Variants in AATF observed in about 807,000 individuals in gnomAD.
AATF encodes the protein protein AATF.
AATF carries 48 observed loss-of-function variants against 63.7 expected under a neutral mutation model. That is an observed-to-expected ratio of 0.75 (90% CI 0.60 to 0.96). The LOEUF is 0.96. AATF is among the 40% of genes least tolerant of loss of function. The pLI is 0.00. For missense variants in AATF, 639 were observed against 685.7 expected (o/e 0.93, Z 0.76); for synonymous variants, 258 against 247.7 (o/e 1.04, Z -0.39).
At chr17:37,006,888 C>T (rs1036224256) in intron 8 of AATF, among the ~76,000 whole-genome samples, 7 of 152,170 alleles carry the variant, frequency 4.6e-5, no homozygotes, top group Non-Finnish European at 7.4e-5. Context: ...CATGCTGCAA[C>T]GCAGAATCAA....
chr17:37,011,707 A>G (rs1280617268), intron 8 of AATF, among the ~76,000 whole-genome samples: 1 of 152,130 alleles, frequency 6.6e-6, no homozygotes, highest in East Asian at 1.9e-4. Flanking sequence ...CCGAGAAAAG[A>G]GTGTTTCAGT....
At chr17:36,963,096 C>T (rs2070961705) in intron 4 of AATF, among the ~76,000 whole-genome samples, 1 of 152,100 alleles carries the variant, frequency 6.6e-6, no homozygotes, top group African/African-American at 2.4e-5. Context: ...TCCAGCCTGA[C>T]AAGAGCAAAA....
chr17:37,053,640 G>A (rs1434298543), intron 11 of AATF, among the ~76,000 whole-genome samples: 6 of 152,176 alleles, frequency 3.9e-5, no homozygotes, highest in African/African-American at 1.4e-4. Context: ...AGGCCAAGAC[G>A]GGCAGATCAT....
intron 10 of AATF, among the ~76,000 whole-genome samples, chr17:37,021,808 AAAAAAAAAAAAAATAAT>A (rs2071473138): frequency 2.5e-5 from 2 of 81,322 alleles, no homozygotes; most frequent in African/African-American, 1.4e-4. Flanking sequence ...CCGTCTCAAA[AAAAAAAAAAAAAATAAT>A]AATAATAATA....
intron 11 of AATF, among the ~76,000 whole-genome samples, chr17:37,053,302 A>G (rs918200583): frequency 6.6e-6 from 1 of 151,972 alleles, no homozygotes; most frequent in African/African-American, 2.4e-5. Context: ...ATATCATATT[A>G]TTATATATTG....
intron 8 of AATF, among the ~76,000 whole-genome samples, chr17:37,006,302 T>C (rs1352423073): frequency 6.6e-6 from 1 of 152,050 alleles, no homozygotes; most frequent in Non-Finnish European, 1.5e-5. Flanking sequence ...AAACCTCATC[T>C]CTACTAAAAA....
intron 9 of AATF, 146 bp from the exon 10 acceptor site, chr17:37,020,788 A>G: frequency 1.8e-6 from 1 of 559,876 alleles, no homozygotes; most frequent in South Asian, 2.8e-5. Flanking sequence ...TCAATTGATT[A>G]GTCAGTTTGG....
chr17:36,996,945 A>G (rs1034107226), intron 8 of AATF, among the ~76,000 whole-genome samples: 3 of 152,220 alleles, frequency 2.0e-5, no homozygotes, highest in Admixed American at 6.5e-5. Flanking sequence ...AAAACAGTAC[A>G]TTTTACAGGG....
chr17:37,032,241 C>T (rs1330706356), intron 11 of AATF, among the ~76,000 whole-genome samples: 1 of 152,046 alleles, frequency 6.6e-6, no homozygotes, highest in Non-Finnish European at 1.5e-5. Context: ...TGAAGAGCTT[C>T]CTCTTCTCCC....
chr17:37,018,346 G>A (rs1410008557), intron 8 of AATF, among the ~76,000 whole-genome samples: 1 of 152,196 alleles, frequency 6.6e-6, no homozygotes, highest in East Asian at 1.9e-4. Flanking sequence ...TGTATTGGAT[G>A]AGAGACTAAT....
intron 8 of AATF, among the ~76,000 whole-genome samples, chr17:36,999,646 A>T (rs2071279429): frequency 6.6e-6 from 1 of 152,212 alleles, no homozygotes; most frequent in African/African-American, 2.4e-5. Flanking sequence ...ATTGTGACAA[A>T]TGCAGTAGAG....
Position 36,953,003 on chromosome 17 carries a change from G to A in AATF, c.401G>A (p.Arg134Lys). ...AAEEQECGDH[R>K]ESKKSRSHSA... ...GAGGAACAGGAGTGTGGTGATCACA[G>A]GGAGAGCAAGAAGAGCAGAAGCCAC... is the stretch of plus-strand genomic sequence containing the variant. Residue 134 changes from arginine to lysine, a missense_variant, in exon 3 of 12, where the codon AGG (arginine) becomes AAG (lysine). Transcript: ENST00000619387. 2 of 1,614,192 alleles carry A rather than the reference G, an allele frequency of 1.2e-6. No homozygotes were observed. Among genetic ancestry groups the A allele is most frequent in the Admixed American group, 1.7e-5 (1 of 60,020 alleles).
chr17:37,019,427 C>T (rs1017400652), intron 9 of AATF, among the ~76,000 whole-genome samples: 10 of 152,162 alleles, frequency 6.6e-5, no homozygotes, highest in Non-Finnish European at 8.8e-5. Context: ...CATGGCACTG[C>T]GCACAACAGG....
At chr17:36,974,776 G>A (rs958356541) in intron 4 of AATF, among the ~76,000 whole-genome samples, 2 of 152,042 alleles carry the variant, frequency 1.3e-5, no homozygotes, top group Admixed American at 1.3e-4. Context: ...ATTGGTCCTT[G>A]CTATTTCTTT....
intron 6 of AATF, 57 bp from the exon 7 acceptor site, chr17:36,989,190 A>G: frequency 6.5e-7 from 1 of 1,540,970 alleles, no homozygotes. Context: ...AAACCAATGT[A>G]GCTTGCCTTC....
chr17:37,042,159 T>A (rs2071645938), intron 11 of AATF, among the ~76,000 whole-genome samples: 1 of 152,136 alleles, frequency 6.6e-6, no homozygotes, highest in Non-Finnish European at 1.5e-5. Flanking sequence ...ATGATTTTTA[T>A]TGGTTACATA....
intron 8 of AATF, among the ~76,000 whole-genome samples, chr17:37,012,134 C>T (rs935955516): frequency 2.0e-5 from 3 of 151,838 alleles, no homozygotes; most frequent in Admixed American, 6.6e-5. Context: ...CTCACTGCAA[C>T]TTCCGTCTCC....
chr17:36,949,045 C>T lies in AATF; in HGVS notation c.-81C>T. 2 of 1,262,986 alleles carry T rather than the reference C, an allele frequency of 1.6e-6. No homozygotes were observed. Among genetic ancestry groups the T allele is most frequent in the Non-Finnish European group, 1.1e-6 (1 of 902,076 alleles). The allele number at this position is 1,262,986 out of a possible 1,614,324, so 78.2% of individuals were successfully genotyped here. Reference sequence around the variant, plus strand: ...GGAATCGGATCAAGGCGAGAGGATCCGGCAGGGAAGGAGCTTCGGGGCCGG... The same window carrying T: ...GGAATCGGATCAAGGCGAGAGGATCTGGCAGGGAAGGAGCTTCGGGGCCGG... On this transcript the variant is annotated 5_prime_UTR_variant, in exon 1 of 12. Coordinates refer to ENST00000619387, the MANE Select transcript of AATF (RefSeq NM_012138.4).
At chr17:37,009,529 C>G (rs1196383864) in intron 8 of AATF, among the ~76,000 whole-genome samples, 2 of 151,806 alleles carry the variant, frequency 1.3e-5, no homozygotes, top group East Asian at 1.9e-4. Flanking sequence ...CCGCTTAAAA[C>G]CATCCAGGCC....
Sources: allele counts gnomAD v4.1 joint callset (sites outside exome capture counted in the v4.1 genomes callset), GRCh38; gene constraint gnomAD v4.1.1; transcripts MANE v1.5; gene names NCBI Gene and HGNC (gene_info 2026-07-23, HGNC 2026-07-21).